Variants in RFTN2 observed in about 807,000 individuals in gnomAD.
RFTN2 encodes raftlin-2.
In RFTN2, 34 loss-of-function variants were observed where a neutral mutation model predicts 52.7. That is an observed-to-expected ratio of 0.64 (90% CI 0.49 to 0.86). The LOEUF (loss-of-function observed/expected upper bound fraction) is 0.86. RFTN2 is among the 40% of genes least tolerant of loss of function. The pLI is 0.00. For missense variants in RFTN2, 536 were observed against 600.1 expected (o/e 0.89, Z 1.12); for synonymous variants, 203 against 217.7 (o/e 0.93, Z 0.59).
rs559278046 is a variant in RFTN2, at chr2:197,670,811, G to A, written c.139+4509C>T. 2.6e-5 allele frequency among the ~76,000 whole-genome samples: 4 copies of A among 152,240 alleles called. No individual in the cohort carries two copies. The East Asian group carries it at 7.7e-4, about 29-fold the overall frequency. On this transcript the variant is annotated intron_variant, in intron 1 of 8. Coordinates refer to ENST00000295049, the MANE Select transcript of RFTN2 (RefSeq NM_144629.3). ...ATGAAATTGCTCTTTGACCACAGAC[G>A]GACTCCCTTTGGAGTGCCCCTCCTT...
chr2:197,572,162 C>T lies in RFTN2; in HGVS notation c.1352G>A (p.Arg451His), dbSNP rs115896530. The T allele has an allele frequency of 1.2e-4, 198 of 1,614,216 alleles. No homozygotes were observed. The highest frequency in any genetic ancestry group is 1.2e-3 in the African/African-American group (88 of 75,058). The change falls in exon 9 of 9, where the codon CGC becomes CAC. Residue 451 changes from arginine (R) to histidine (H), a missense_variant. Physicochemically the swap from Arg to His is conservative, Grantham distance 29. Transcript: ENST00000295049. ...AESRHLPEEC[R>H]LSPSRECWTK... Reference sequence around the variant, plus strand: ...CCAGCATTCCCGGGAGGGAGAAAGGCGGCACTCCTCAGGCAGGTGTCTGCT... The same window carrying T: ...CCAGCATTCCCGGGAGGGAGAAAGGTGGCACTCCTCAGGCAGGTGTCTGCT...
At chr2:197,618,855 G>T (rs545045977) in intron 5 of RFTN2, among the ~76,000 whole-genome samples, 1 of 145,554 alleles carries the variant, frequency 6.9e-6, no homozygotes, top group South Asian at 2.2e-4. Context: ...CCCGGCAGCC[G>T]CCCCGTCTGA....
chr2:197,631,711 A>G (rs1230197227), intron 4 of RFTN2, among the ~76,000 whole-genome samples: 1 of 152,178 alleles, frequency 6.6e-6, no homozygotes, highest in African/African-American at 2.4e-5. Flanking sequence ...CAATATTTCC[A>G]ATTTTTCTGT....
chr2:197,619,006 G>GT (rs2088204841), intron 5 of RFTN2, among the ~76,000 whole-genome samples: 1 of 151,364 alleles, frequency 6.6e-6, no homozygotes, highest in Non-Finnish European at 1.5e-5. Flanking sequence ...AGGGAGGGAG[G>GT]TGGGGGGGTC....
chr2:197,655,426 T>C (rs1169387303), intron 1 of RFTN2, among the ~76,000 whole-genome samples: 1 of 152,024 alleles, frequency 6.6e-6, no homozygotes, highest in Admixed American at 6.6e-5. Context: ...CACACACACA[T>C]AAAAGTTTCA....
intron 1 of RFTN2, among the ~76,000 whole-genome samples, chr2:197,659,314 C>T (rs1231822013): frequency 1.3e-5 from 2 of 151,552 alleles, no homozygotes; most frequent in Admixed American, 1.3e-4. Flanking sequence ...TCCTGGTCAA[C>T]ATGGTGAAAC....
At chr2:197,656,258 CAGTA>C (rs921545656) in intron 1 of RFTN2, among the ~76,000 whole-genome samples, 1 of 152,082 alleles carries the variant, frequency 6.6e-6, no homozygotes, top group African/African-American at 2.4e-5. Context: ...GTCTGGCACA[CAGTA>C]AGTGCTCTAC....
intron 1 of RFTN2, among the ~76,000 whole-genome samples, chr2:197,674,339 C>CAAAAAAAAAAAAAAAAAA (rs1222944678): frequency 2.9e-5 from 1 of 34,266 alleles, no homozygotes; most frequent in Non-Finnish European, 4.9e-5. Flanking sequence ...TAGAGCAAAG[C>CAAAAAAAAAAAAAAAAAA]AAAAAAAAAA....
chr2:197,660,665 C>T (rs1448619133), intron 1 of RFTN2, among the ~76,000 whole-genome samples: 3 of 151,686 alleles, frequency 2.0e-5, no homozygotes, highest in African/African-American at 7.3e-5. Context: ...AAGTGATTCT[C>T]GTGTCTCAGC....
intron 8 of RFTN2, among the ~76,000 whole-genome samples, chr2:197,574,836 C>T (rs1371732444): frequency 6.6e-6 from 1 of 152,070 alleles, no homozygotes; most frequent in South Asian, 2.1e-4. Context: ...CCAATGCACT[C>T]TAGCCTGGGC....
intron 3 of RFTN2, among the ~76,000 whole-genome samples, chr2:197,642,892 T>C (rs2088694704): frequency 6.6e-6 from 1 of 152,120 alleles, no homozygotes; most frequent in African/African-American, 2.4e-5. Context: ...GGCAGGAGAA[T>C]TGCTTGAGTT....
intron 5 of RFTN2, among the ~76,000 whole-genome samples, chr2:197,628,803 C>A (rs979674388): frequency 3.3e-5 from 5 of 152,196 alleles, no homozygotes; most frequent in African/African-American, 4.8e-5. Flanking sequence ...TATCTTGTTA[C>A]ATCATCACAA....
chr2:197,613,495 A>G (rs1391247821), intron 7 of RFTN2, among the ~76,000 whole-genome samples: 1 of 152,206 alleles, frequency 6.6e-6, no homozygotes, highest in East Asian at 1.9e-4. Context: ...AGTGTCAGAG[A>G]CTAAAAACTT....
intron 1 of RFTN2, among the ~76,000 whole-genome samples, chr2:197,651,920 G>A (rs1320974704): frequency 1.3e-5 from 2 of 152,114 alleles, no homozygotes; most frequent in Admixed American, 6.5e-5. Context: ...GGAATTTTAA[G>A]GCTTATTTAA....
rs537601918 is a variant in RFTN2 at position 197,660,384 on chromosome 2, C to T, written c.140-13718G>A. Among the ~76,000 whole-genome samples the T allele has an allele frequency of 4.5e-4, 68 of 152,050 alleles. 2 individuals carry two copies. The South Asian group carries it at 0.01, about 23-fold the overall frequency. ...CAAATTATTATTGTTTATGTTTTTCCATGAAAGCTTCCATCCTTGTAGTCA... is the reference window on the plus strand; with the variant it reads ...CAAATTATTATTGTTTATGTTTTTCTATGAAAGCTTCCATCCTTGTAGTCA... On this transcript the variant is annotated intron_variant, in intron 1 of 8. Coordinates refer to ENST00000295049, the MANE Select transcript of RFTN2 (RefSeq NM_144629.3).
At chr2:197,632,648 T>C (rs2088485257) in intron 4 of RFTN2, among the ~76,000 whole-genome samples, 1 of 152,070 alleles carries the variant, frequency 6.6e-6, no homozygotes, top group Admixed American at 6.6e-5. Flanking sequence ...ATCAGGGACA[T>C]TGTTAGCTAG....
chr2:197,664,785 A>T (rs1328147723), intron 1 of RFTN2, among the ~76,000 whole-genome samples: 1 of 151,720 alleles, frequency 6.6e-6, no homozygotes, highest in Admixed American at 6.6e-5. Context: ...AACTTATCTC[A>T]AAAAAAAATT....
intron 3 of RFTN2, among the ~76,000 whole-genome samples, chr2:197,638,722 G>T (rs1241319720): frequency 5.6e-5 from 8 of 142,802 alleles, no homozygotes; most frequent in African/African-American, 2.1e-4. Context: ...TTTAATTGGA[G>T]CATTTAGTCC....
chr2:197,619,007 T>TG (rs563878711), intron 5 of RFTN2, among the ~76,000 whole-genome samples: 12 of 136,276 alleles, frequency 8.8e-5, no homozygotes, highest in Non-Finnish European at 1.2e-4. Flanking sequence ...GGGAGGGAGG[T>TG]GGGGGGGTCA....
Sources: allele counts gnomAD v4.1 joint callset (sites outside exome capture counted in the v4.1 genomes callset), GRCh38; gene constraint gnomAD v4.1.1; transcripts MANE v1.5; gene names NCBI Gene and HGNC (gene_info 2026-07-23, HGNC 2026-07-21).